CA1: variants seen among roughly 807,000 people sequenced by gnomAD.
CA1 encodes carbonate dehydratase I.
In CA1, 27 loss-of-function variants were observed where a neutral mutation model predicts 28.8. The ratio of observed to expected loss-of-function variants is 0.94; its 90% CI spans 0.69 to 1.29. CA1 has a LOEUF of 1.29. CA1 is among the 50% of genes most tolerant of loss of function. The pLI, the probability that CA1 is intolerant of heterozygous loss-of-function variation, is 0.00. For missense variants in CA1, 335 were observed against 310.5 expected (o/e 1.08, Z -0.59); for synonymous variants, 121 against 108.8 (o/e 1.11, Z -0.70).
At chr8:85,354,671 G>T (rs181658785) in intron 1 of CA1, among the ~76,000 whole-genome samples, 1 of 152,288 alleles carries the variant, frequency 6.6e-6, no homozygotes, top group Non-Finnish European at 1.5e-5. Context: ...TGACTGAAGG[G>T]TGTGTGTGGT....
chr8:85,376,401 C>A (rs377345456), intron 1 of CA1, among the ~76,000 whole-genome samples: 10 of 151,968 alleles, frequency 6.6e-5, no homozygotes, highest in East Asian at 3.9e-4. Flanking sequence ...GTGCCTCACA[C>A]CTATAATCCC....
chr8:85,355,508 A>G (rs1585949060), intron 1 of CA1, among the ~76,000 whole-genome samples: 1 of 148,914 alleles, frequency 6.7e-6, no homozygotes, highest in East Asian at 2.0e-4. Flanking sequence ...TCAGCCTCCC[A>G]AGCAGCTGGG....
intron 4 of CA1, among the ~76,000 whole-genome samples, 160 bp from the exon 5 acceptor site, chr8:85,333,780 C>T (rs985137319): frequency 1.3e-5 from 2 of 152,138 alleles, no homozygotes; most frequent in African/African-American, 4.8e-5. Flanking sequence ...CATTCTCACT[C>T]GTAGGAAGGG....
At chr8:85,346,344 T>C (rs1265606745) in intron 1 of CA1, among the ~76,000 whole-genome samples, 1 of 152,206 alleles carries the variant, frequency 6.6e-6, no homozygotes, top group Non-Finnish European at 1.5e-5. Context: ...ATTGAGAACA[T>C]ACTATTTGTA....
At chr8:85,369,447 G>A (rs964084167) in intron 1 of CA1, among the ~76,000 whole-genome samples, 2 of 152,076 alleles carry the variant, frequency 1.3e-5, no homozygotes, top group African/African-American at 4.8e-5. Flanking sequence ...TCATATCAAA[G>A]CATTAATGAC....
In CA1 at chr8:85,336,597, T is replaced by A. The variant is rs529876900; in HGVS notation, c.354+348A>T. Among the ~76,000 whole-genome samples the A allele has an allele frequency of 7.2e-5, 11 of 152,258 alleles. No homozygotes were observed. The South Asian group carries it at 1.2e-3, about 17-fold the overall frequency. On this transcript the variant is annotated intron_variant, in intron 4 of 7. Transcript: ENST00000523022. ...TGCTGGTGTATCCAAACTTGAACGT[T>A]TAAATAAAGAGGAAATGATGGTGTG... is the stretch of plus-strand genomic sequence containing the variant.
chr8:85,343,078 C>G (rs1328072715), intron 1 of CA1: 2 of 151,906 alleles, frequency 1.3e-5, no homozygotes, highest in African/African-American at 4.8e-5. Context: ...GGATCAACTG[C>G]TGTGCTAAAA....
intron 1 of CA1, among the ~76,000 whole-genome samples, chr8:85,350,862 G>A (rs1809383178): frequency 6.6e-6 from 1 of 152,148 alleles, no homozygotes; most frequent in African/African-American, 2.4e-5. Context: ...TTCGATCTGG[G>A]GAAGATGAAT....
chr8:85,376,329 C>CA (rs1246336288), intron 1 of CA1, among the ~76,000 whole-genome samples: 1 of 146,216 alleles, frequency 6.8e-6, no homozygotes, highest in African/African-American at 2.5e-5. Context: ...GATTCTGTCT[C>CA]AAAAAAACAA....
intron 1 of CA1, among the ~76,000 whole-genome samples, chr8:85,355,074 C>T (rs1268180868): frequency 2.0e-5 from 3 of 152,144 alleles, no homozygotes; most frequent in Admixed American, 1.3e-4. Context: ...CCTGCCAGCT[C>T]AGCCCAGCTT....
intron 2 of CA1, among the ~76,000 whole-genome samples, chr8:85,339,968 A>T (rs192728236): frequency 6.6e-6 from 1 of 152,230 alleles, no homozygotes; most frequent in Non-Finnish European, 1.5e-5. Context: ...GAAAGATGCC[A>T]TCTCCATAAC....
chr8:85,369,916 C>A (rs1810155712), intron 1 of CA1, among the ~76,000 whole-genome samples: 1 of 152,140 alleles, frequency 6.6e-6, no homozygotes, highest in Admixed American at 6.6e-5. Flanking sequence ...CAACAAGTAG[C>A]CAAGTAATAT....
At chr8:85,340,607 T>C (rs888188450) in intron 2 of CA1, among the ~76,000 whole-genome samples, 2 of 152,314 alleles carry the variant, frequency 1.3e-5, no homozygotes, top group Admixed American at 6.5e-5. Flanking sequence ...GTAGTTCCCA[T>C]AGATAATAAT....
At chr8:85,375,417 G>A (rs1046252790) in intron 1 of CA1, among the ~76,000 whole-genome samples, 3 of 151,968 alleles carry the variant, frequency 2.0e-5, no homozygotes, top group African/African-American at 7.3e-5. Context: ...AAAATTAACA[G>A]CACAGCTCTG....
intron 1 of CA1, among the ~76,000 whole-genome samples, chr8:85,372,331 C>A (rs893715398): frequency 6.6e-6 from 1 of 152,032 alleles, no homozygotes. Context: ...CAAGTGTTGG[C>A]GATGATGTGG....
chr8:85,341,810 T>TA (rs1371272410), intron 1 of CA1, 151 bp from the exon 2 acceptor site: 108 of 550,394 alleles, frequency 2.0e-4, no homozygotes, highest in Middle Eastern at 6.6e-4. Context: ...TACACATATC[T>TA]AAAAAAAAGG....
At chr8:85,329,176 T>C (rs993637865) in intron 7 of CA1, among the ~76,000 whole-genome samples, 4 of 152,184 alleles carry the variant, frequency 2.6e-5, no homozygotes, top group African/African-American at 9.7e-5. Flanking sequence ...TTATGAGAAT[T>C]GGCTAATAAA....
At chr8:85,347,985 C>A (rs1432259611) in intron 1 of CA1, among the ~76,000 whole-genome samples, 1 of 152,142 alleles carries the variant, frequency 6.6e-6, no homozygotes. Flanking sequence ...AAAATCTCTG[C>A]ATGCAAGACC....
At chr8:85,359,706 A>G (rs1189713584) in intron 1 of CA1, among the ~76,000 whole-genome samples, 2 of 152,242 alleles carry the variant, frequency 1.3e-5, no homozygotes, top group African/African-American at 2.4e-5. Flanking sequence ...AAGAGCACAG[A>G]AGAAGCTGCT....
Sources: gnomAD v4.1 joint callset for allele counts (sites outside exome capture counted in the v4.1 genomes callset) on GRCh38, gnomAD v4.1.1 for gene constraint, MANE v1.5 for transcripts, NCBI Gene and HGNC (gene_info 2026-07-23, HGNC 2026-07-21) for gene names.